The following CCDC60 variants were observed in gnomAD, a reference collection of about 807,000 sequenced individuals.
CCDC60 encodes the protein coiled-coil domain-containing protein 60.
CCDC60 carries 54 observed loss-of-function variants against 63.5 expected under a neutral mutation model. The observed-to-expected ratio is 0.85, with a 90% CI of 0.68 to 1.07. The LOEUF is 1.07. Among genes scored for constraint, CCDC60 ranks in the 50% least tolerant of loss-of-function variants. CCDC60 has a pLI of 0.00. For missense variants in CCDC60, 651 were observed against 684.3 expected (o/e 0.95, Z 0.54); for synonymous variants, 206 against 238.8 (o/e 0.86, Z 1.27).
chr12:119,407,804 A>C (rs953782009), intron 1 of CCDC60, among the ~76,000 whole-genome samples: 1 of 152,078 alleles, frequency 6.6e-6, no homozygotes, highest in African/African-American at 2.4e-5. Flanking sequence ...CTCTTGCCCA[A>C]ACAGTTAGCA....
At chr12:119,377,271 A>G (rs994647766) in intron 1 of CCDC60, among the ~76,000 whole-genome samples, 15 of 150,558 alleles carry the variant, frequency 1.0e-4, no homozygotes, top group South Asian at 2.1e-4. Context: ...AAAAAAAAAA[A>G]AAAAAAAAGA....
chr12:119,535,736 T>C (rs957099484), intron 13 of CCDC60, among the ~76,000 whole-genome samples: 1 of 152,256 alleles, frequency 6.6e-6, no homozygotes, highest in Non-Finnish European at 1.5e-5. Context: ...TGAGTGAGTT[T>C]CTTAATCCTG....
chr12:119,516,783 G>A, intron 8 of CCDC60, 76 bp downstream of exon 8: 1 of 972,218 alleles, frequency 1.0e-6, no homozygotes, highest in East Asian at 2.5e-5. Flanking sequence ...GTTGCCAACT[G>A]TTGAGCATTT....
rs1240404569 is a variant in CCDC60, at chr12:119,410,156, G to A, written c.91-18527G>A. ...ACAGTGCTACCATGTGTATTTGTGT[G>A]AAAGGTAGATGCTAGTGTTGGAAAG... On this transcript the variant is annotated intron_variant, in intron 1 of 13. Coordinates refer to ENST00000327554, the MANE Select transcript of CCDC60 (RefSeq NM_178499.5). This position sits in a 1 kb window ranked among gnomAD's most constrained non-coding sequence, Gnocchi z 4.0. 6.6e-6 allele frequency among the ~76,000 whole-genome samples: 1 copy of A among 151,090 alleles called. No homozygotes were observed. Among genetic ancestry groups the A allele is most frequent in the Non-Finnish European group, 1.5e-5 (1 of 67,920 alleles).
intron 8 of CCDC60, among the ~76,000 whole-genome samples, chr12:119,519,401 A>ATATG (rs1381105667): frequency 7.3e-6 from 1 of 136,412 alleles, no homozygotes; most frequent in Non-Finnish European, 1.5e-5. Flanking sequence ...AGTGATATAT[A>ATATG]TGTGTGTGTG....
chr12:119,392,202 G>C (rs1956172065), intron 1 of CCDC60, among the ~76,000 whole-genome samples: 1 of 152,140 alleles, frequency 6.6e-6, no homozygotes, highest in Non-Finnish European at 1.5e-5. Context: ...CACTGGTCTA[G>C]GATATCCATC....
chr12:119,492,433 T>C (rs1334149655), intron 5 of CCDC60, among the ~76,000 whole-genome samples: 1 of 152,212 alleles, frequency 6.6e-6, no homozygotes, highest in African/African-American at 2.4e-5. Context: ...GATTCATTTT[T>C]AAAAATTATG....
At chr12:119,478,660 T>G (rs968209665) in intron 3 of CCDC60, among the ~76,000 whole-genome samples, 4 of 137,610 alleles carry the variant, frequency 2.9e-5, no homozygotes, top group Admixed American at 8.4e-5. Flanking sequence ...CAGGCTGGAG[T>G]GCAATGGCAC....
Position 119,518,768 on chromosome 12 carries a change from C to T in CCDC60, c.969-1353C>T, listed in dbSNP as rs533129150. Among the ~76,000 whole-genome samples the T allele has an allele frequency of 9.2e-5, 14 of 152,162 alleles. No individual in the cohort carries two copies. The South Asian group carries it at 2.9e-3, about 32-fold the overall frequency. ...TTACTTTTATCTCACACATGTTGCC[C>T]CATGGAATCTTCTCCTGCTGAGACA... On this transcript the variant is annotated intron_variant, in intron 8 of 13. Coordinates refer to ENST00000327554, the MANE Select transcript of CCDC60 (RefSeq NM_178499.5).
intron 1 of CCDC60, among the ~76,000 whole-genome samples, chr12:119,360,675 C>T (rs528675403): frequency 6.6e-6 from 1 of 151,906 alleles, no homozygotes; most frequent in African/African-American, 2.4e-5. Context: ...AGAGACACTC[C>T]TCACTTCCTA....
intron 1 of CCDC60, among the ~76,000 whole-genome samples, chr12:119,380,349 C>A (rs941264805): frequency 5.9e-5 from 9 of 152,168 alleles, no homozygotes; most frequent in Non-Finnish European, 1.0e-4. Flanking sequence ...ATATTTACAC[C>A]ATGGGAATTG....
chr12:119,365,764 T>C (rs1326188948), intron 1 of CCDC60, among the ~76,000 whole-genome samples: 1 of 152,242 alleles, frequency 6.6e-6, no homozygotes, highest in Non-Finnish European at 1.5e-5. Context: ...TGTTTCCTTT[T>C]ACATAGAAAT....
At chr12:119,380,896 TAC>T in intron 1 of CCDC60, among the ~76,000 whole-genome samples, 1 of 152,362 alleles carries the variant, frequency 6.6e-6, no homozygotes, top group African/African-American at 2.4e-5. Context: ...GCTTTCTTCT[TAC>T]AGTGATAGTA....
chr12:119,472,767 G>C (rs1043035714), intron 3 of CCDC60, among the ~76,000 whole-genome samples: 1 of 151,824 alleles, frequency 6.6e-6, no homozygotes, highest in African/African-American at 2.4e-5. Flanking sequence ...ATTTTTAATA[G>C]AGACGGGGTT....
intron 1 of CCDC60, among the ~76,000 whole-genome samples, chr12:119,353,195 A>T (rs925413244): frequency 6.6e-6 from 1 of 151,720 alleles, no homozygotes; most frequent in East Asian, 1.9e-4. Flanking sequence ...CTGCAAATTG[A>T]CTTGAAAGGA....
intron 1 of CCDC60, among the ~76,000 whole-genome samples, chr12:119,368,696 G>A (rs114074460): frequency 0.013 from 2,021 of 152,264 alleles, 48 homozygotes; most frequent in African/African-American, 0.047. Context: ...ATTTTGCAGT[G>A]CAGCTATTTC....
intron 1 of CCDC60, among the ~76,000 whole-genome samples, chr12:119,349,067 C>A (rs1420361053): frequency 1.3e-5 from 2 of 152,128 alleles, no homozygotes; most frequent in Non-Finnish European, 2.9e-5. Context: ...ATGAGGAAGC[C>A]TGTCAACAAG....
At chr12:119,448,897 C>T (rs1950585544) in intron 2 of CCDC60, among the ~76,000 whole-genome samples, 1 of 152,074 alleles carries the variant, frequency 6.6e-6, no homozygotes, top group Non-Finnish European at 1.5e-5. Flanking sequence ...AAATGCAGTC[C>T]TCTTACACAG....
intron 1 of CCDC60, among the ~76,000 whole-genome samples, chr12:119,408,625 C>T (rs1452175468): frequency 1.3e-5 from 2 of 152,156 alleles, no homozygotes; most frequent in East Asian, 1.9e-4. Context: ...AGATCGAAAC[C>T]ATCCTGGCTA....
Sources: allele counts gnomAD v4.1 joint callset (sites outside exome capture counted in the v4.1 genomes callset), GRCh38; gene constraint gnomAD v4.1.1; non-coding constraint Gnocchi (gnomAD v3.1); transcripts MANE v1.5; gene names NCBI Gene and HGNC (gene_info 2026-07-23, HGNC 2026-07-21).